GPM6B: variants seen among roughly 807,000 people sequenced by gnomAD.
GPM6B encodes glycoprotein M6B.
GPM6B carries 4 observed loss-of-function variants against 27.2 expected under a neutral mutation model. That is an observed-to-expected ratio of 0.15 (90% CI 0.07 to 0.34). GPM6B has a LOEUF of 0.34. Ranked by LOEUF, GPM6B falls within the 10% of genes least tolerant of loss-of-function variation. The probability of loss-of-function intolerance (pLI) is 1.00; values close to 1 mark genes in which losing one functional copy is unlikely to be tolerated. For synonymous variants in GPM6B, 124 were observed against 103.1 expected (o/e 1.20, Z -1.23); for missense variants, 183 against 261.9 (o/e 0.70, Z 2.08).
intron 1 of GPM6B, among the ~76,000 whole-genome samples, chrX:13,837,283 C>A (rs148461210): frequency 0.012 from 1,367 of 111,865 alleles, 7 homozygotes; most frequent in Middle Eastern, 0.024. Context: ...TTCTTTGTTA[C>A]GACTTATCTA....
chrX:13,822,284 C>G (rs2049316732), upstream of GPM6B, among the ~76,000 whole-genome samples: 1 of 112,156 alleles, frequency 8.9e-6, no homozygotes, highest in African/African-American at 3.2e-5. Flanking sequence ...TCTCTTCAAG[C>G]CCCATTACAC....
At chrX:13,804,877 G>A (rs963750593) in intron 2 of GPM6B, among the ~76,000 whole-genome samples, 8 of 110,366 alleles carry the variant, frequency 7.2e-5, no homozygotes, top group African/African-American at 1.3e-4. Context: ...TGGGGTTGGA[G>A]ATCTAAGTAT....
At chrX:13,808,438 G>A (rs1395861383) in intron 1 of GPM6B, among the ~76,000 whole-genome samples, 1 of 112,009 alleles carries the variant, frequency 8.9e-6, no homozygotes, top group Non-Finnish European at 1.9e-5. Context: ...ACTCCCTGAG[G>A]ACTCAGGTCT....
intron 4 of GPM6B, among the ~76,000 whole-genome samples, chrX:13,780,564 G>A (rs1184105039): frequency 8.9e-6 from 1 of 111,774 alleles, no homozygotes; most frequent in Non-Finnish European, 1.9e-5. Flanking sequence ...AAATAATCAC[G>A]AATACAAGCT....
chrX:13,823,520 G>GT (rs201574507), intron 1 of GPM6B, among the ~76,000 whole-genome samples: 1,296 of 95,926 alleles, frequency 0.014, 19 homozygotes, highest in South Asian at 0.052. Flanking sequence ...ACTGAACCTG[G>GT]TTTTTTTTTT....
At chrX:13,846,610 C>A (rs926360331) in intron 1 of GPM6B, among the ~76,000 whole-genome samples, 2 of 109,332 alleles carry the variant, frequency 1.8e-5, no homozygotes, top group Non-Finnish European at 3.8e-5. Context: ...CCTGCCTCAG[C>A]CTCCCAAGTA....
At chrX:13,866,786 T>C (rs2049925083) in intron 1 of GPM6B, among the ~76,000 whole-genome samples, 1 of 112,080 alleles carries the variant, frequency 8.9e-6, no homozygotes, top group South Asian at 3.7e-4. Context: ...AGCATTATAG[T>C]GAAGACAAAT....
intron 1 of GPM6B, among the ~76,000 whole-genome samples, chrX:13,921,144 C>A (rs1241840152): frequency 8.9e-6 from 1 of 111,912 alleles, no homozygotes; most frequent in Non-Finnish European, 1.9e-5. Context: ...CACAAGTAGG[C>A]CCACATCAGC....
At chrX:13,817,958 G>A (rs748323221), upstream of GPM6B, among the ~76,000 whole-genome samples, 4 of 112,005 alleles carry the variant, frequency 3.6e-5, no homozygotes, top group African/African-American at 1.3e-4. Flanking sequence ...TTTCTACATG[G>A]AGTTTTACTC....
At chrX:13,777,017 A>G (rs201667480) in intron 6 of GPM6B, among the ~76,000 whole-genome samples, 1,521 of 67,165 alleles carry the variant, frequency 0.023, 28 homozygotes, top group African/African-American at 0.1. Context: ...AAATCTTTCA[A>G]AGTAGAAAGA....
Position 13,816,981 on chromosome X carries a change from A to G in GPM6B, c.-77T>C. 1 of 1,140,310 alleles carries G rather than the reference A, an allele frequency of 8.8e-7. No individual in the cohort carries two copies. The highest frequency in any genetic ancestry group is 3.1e-5 in the East Asian group (1 of 32,071). The allele number at this position is 1,140,310 out of a possible 1,213,427, so 94.0% of individuals were successfully genotyped here. A position where few individuals can be genotyped will look rare whatever the true frequency, so the allele number is the denominator to read the frequency against. ...TTTCCTCCTCTTCCTTTTCTTTTGGACTCCCCTCCGTCTCTTATTTACACC... is the reference window on the plus strand; with the variant it reads ...TTTCCTCCTCTTCCTTTTCTTTTGGGCTCCCCTCCGTCTCTTATTTACACC... On this transcript the variant is annotated 5_prime_UTR_variant, in exon 1 of 8. Transcript: ENST00000316715.
At chrX:13,815,983 A>G (rs1479960354) in intron 1 of GPM6B, among the ~76,000 whole-genome samples, 1 of 112,140 alleles carries the variant, frequency 8.9e-6, no homozygotes, top group Non-Finnish European at 1.9e-5. Flanking sequence ...ATGACAGTCT[A>G]TGACTTTGAG....
chrX:13,905,013 T>C (rs1015784702), intron 1 of GPM6B, among the ~76,000 whole-genome samples: 1 of 108,974 alleles, frequency 9.2e-6, no homozygotes, highest in African/African-American at 3.3e-5. Context: ...GGCAGGAGGA[T>C]TGCTTGAGCC....
chrX:13,848,378 T>A (rs190543663), intron 1 of GPM6B, among the ~76,000 whole-genome samples: 1 of 111,542 alleles, frequency 9.0e-6, no homozygotes, highest in Non-Finnish European at 1.9e-5. Flanking sequence ...CATCTCAGAG[T>A]GTACTTCCTA....
chrX:13,924,856 T>C (rs781422067), intron 1 of GPM6B, among the ~76,000 whole-genome samples: 2 of 112,128 alleles, frequency 1.8e-5, no homozygotes, highest in African/African-American at 6.5e-5. Context: ...TTGTGGTATG[T>C]TACCCACTAG....
In GPM6B at chrX:13,823,588, C is replaced by T. The variant is rs572211212; in HGVS notation, c.-197-37780G>A. Among the ~76,000 whole-genome samples, 23 of 106,555 alleles carry T rather than the reference C, an allele frequency of 2.2e-4. No individual in the cohort carries two copies. In the South Asian group the frequency reaches 9.6e-3, roughly 44 times the overall value. The allele number at this position is 106,555 out of a possible 115,157, so 92.5% of individuals were successfully genotyped here. ...AGGCTGGAGTGCAGTGGCATGATCT[C>T]GGCTCCCTGCAACCTCTGCCTCTCG... On this transcript the variant is annotated intron_variant, in intron 1 of 6. Coordinates refer to the GPM6B transcript ENST00000398361.
At chrX:13,834,481 A>G (rs1686778795) in intron 1 of GPM6B, among the ~76,000 whole-genome samples, 1 of 112,755 alleles carries the variant, frequency 8.9e-6, no homozygotes, top group South Asian at 3.6e-4. Context: ...TTTTAATGAA[A>G]AGCCACTGAC....
intron 1 of GPM6B, among the ~76,000 whole-genome samples, chrX:13,885,389 CTCTT>C (rs1188929235): frequency 1.8e-5 from 2 of 112,307 alleles, no homozygotes; most frequent in African/African-American, 3.2e-5. Flanking sequence ...CTCAATCTCT[CTCTT>C]TTTTTCCTTT....
At chrX:13,837,211 C>G (rs781211903) in intron 1 of GPM6B, among the ~76,000 whole-genome samples, 1 of 69,489 alleles carries the variant, frequency 1.4e-5, no homozygotes, top group African/African-American at 4.7e-5. Flanking sequence ...GATATCCCTT[C>G]AATCACAACC....
Sources: allele counts gnomAD v4.1 joint callset (sites outside exome capture counted in the v4.1 genomes callset), GRCh38; gene constraint gnomAD v4.1.1; transcripts MANE v1.5; gene names NCBI Gene and HGNC (gene_info 2026-07-23, HGNC 2026-07-21).